ELF1: variants seen among roughly 807,000 people sequenced by gnomAD.
ELF1 encodes the protein E74 like ETS transcription factor 1.
ELF1 carries 24 observed loss-of-function variants against 59.9 expected under a neutral mutation model. The ratio of observed to expected loss-of-function variants is 0.40; its 90% CI spans 0.29 to 0.56. The LOEUF (loss-of-function observed/expected upper bound fraction) is 0.56, where lower values mean the gene tolerates loss of function less well. Ranked by LOEUF, ELF1 falls within the 20% of genes least tolerant of loss-of-function variation. ELF1 has a pLI of 0.44. For missense variants in ELF1, 627 were observed against 742.2 expected, an observed-to-expected ratio of 0.84 and a Z score of 1.80; for synonymous variants, 248 against 266.2, an observed-to-expected ratio of 0.93 and a Z score of 0.67.
chr13:40,998,039 C>G (rs1189760307), intron 1 of ELF1, among the ~76,000 whole-genome samples: 3 of 152,042 alleles, frequency 2.0e-5, no homozygotes, highest in Admixed American at 6.6e-5. Flanking sequence ...TCAGCTTACC[C>G]GTGAGGTTGA....
At chr13:40,980,964 T>TA (rs1873225529) in intron 2 of ELF1, among the ~76,000 whole-genome samples, 1 of 152,138 alleles carries the variant, frequency 6.6e-6, no homozygotes, top group Admixed American at 6.5e-5. Context: ...TTTGTAGGTT[T>TA]ATTTATAAAC....
Position 41,051,934 on chromosome 13 carries a change from C to CTTT in ELF1, c.-229+8901_-229+8903dup, listed in dbSNP as rs757348738. 2.2e-3 allele frequency among the ~76,000 whole-genome samples: 283 copies of CTTT among 127,230 alleles called. 8 individuals are homozygous for CTTT. The highest frequency in any genetic ancestry group is 7.1e-3 in the African/African-American group (239 of 33,756). The allele number at this position is 127,230 out of a possible 152,430, so 83.5% of individuals were successfully genotyped here. A position where few individuals can be genotyped will look rare whatever the true frequency, so the allele number is the denominator to read the frequency against. ...ATCACTTTTCTTTCTTTCTTTTTCT[C>CTTT]TTTTTTTTTTTTTTTTTTTTGAGAC... On this transcript the variant is annotated intron_variant, in intron 1 of 1. Coordinates refer to the ELF1 transcript ENST00000405737.
chr13:40,933,901 C>T lies in ELF1; in HGVS notation c.1384G>A (p.Gly462Arg), dbSNP rs1869587844. The change falls in exon 9 of 9, where the codon GGA becomes AGA. Residue 462 changes from glycine (G) to arginine (R), a missense_variant. Physicochemically the swap from Gly to Arg is moderately radical, Grantham distance 125 (BLOSUM62 -2). Around this residue, in one of 3 missense-constraint regions of ELF1, gnomAD observed 361 missense variants for 396.1 expected, o/e 0.91. Transcript: ENST00000239882. ...IASTDPSAGT[G>R]SQKFILQAIP... Reference sequence around the variant, plus strand: ...GCTTGTAAAATAAACTTCTGAGATCCAGTACCTGCTGATGGATCTGTGCTG... The same window carrying T: ...GCTTGTAAAATAAACTTCTGAGATCTAGTACCTGCTGATGGATCTGTGCTG... The T allele has an allele frequency of 6.2e-7, 1 of 1,614,210 alleles. No individual in the cohort carries two copies.
intron 5 of ELF1, among the ~76,000 whole-genome samples, chr13:40,944,528 C>G (rs1434957132): frequency 1.3e-5 from 2 of 152,180 alleles, no homozygotes; most frequent in African/African-American, 2.4e-5. Context: ...CTGTACCTTT[C>G]AATTCACAAC....
chr13:41,023,826 A>C (rs998395800), upstream of ELF1, among the ~76,000 whole-genome samples: 1 of 152,210 alleles, frequency 6.6e-6, no homozygotes, highest in African/African-American at 2.4e-5. Context: ...AAGGCCCAAA[A>C]CTCAGCAGAA....
chr13:41,050,693 G>A (rs894551257), intron 1 of ELF1, among the ~76,000 whole-genome samples: 7 of 152,156 alleles, frequency 4.6e-5, no homozygotes, highest in Non-Finnish European at 1.0e-4. Context: ...TGGGACTACA[G>A]GCACCTGCCA....
chr13:40,983,253 T>C (rs1326233395), intron 1 of ELF1, among the ~76,000 whole-genome samples: 1 of 152,156 alleles, frequency 6.6e-6, no homozygotes, highest in African/African-American at 2.4e-5. Context: ...GCATTTACAG[T>C]TTTATTACAA....
intron 1 of ELF1, among the ~76,000 whole-genome samples, chr13:41,054,147 G>A (rs1877204688): frequency 6.6e-6 from 1 of 152,140 alleles, no homozygotes; most frequent in African/African-American, 2.4e-5. Context: ...CCTTCCATAT[G>A]AAATTTCTAG....
At chr13:40,944,053 G>C in intron 5 of ELF1, 128 bp from the exon 6 acceptor site, 2 of 764,754 alleles carry the variant, frequency 2.6e-6, no homozygotes, top group East Asian at 5.5e-5. Context: ...CACATATACA[G>C]GTCTCTTAAA....
At chr13:40,943,398 T>C (rs527899749) in intron 6 of ELF1, among the ~76,000 whole-genome samples, 2 of 152,278 alleles carry the variant, frequency 1.3e-5, no homozygotes, top group South Asian at 2.1e-4. Flanking sequence ...TTTGTGATGA[T>C]TTAGGAGAAA....
chr13:41,054,845 T>A (rs534871184), intron 1 of ELF1, among the ~76,000 whole-genome samples: 4 of 152,318 alleles, frequency 2.6e-5, no homozygotes, highest in Non-Finnish European at 5.9e-5. Flanking sequence ...ACTACCAAAT[T>A]CATTTCATTA....
chr13:41,021,340 A>G (rs1014256060), upstream of ELF1, among the ~76,000 whole-genome samples: 1 of 152,224 alleles, frequency 6.6e-6, no homozygotes, highest in African/African-American at 2.4e-5. Context: ...ACAGAAACAA[A>G]TATCTTAGCT....
At chr13:41,033,969 A>G (rs1031123684) in intron 1 of ELF1, among the ~76,000 whole-genome samples, 1 of 152,198 alleles carries the variant, frequency 6.6e-6, no homozygotes, top group Non-Finnish European at 1.5e-5. Context: ...CTATATCCTG[A>G]TTATGGTGAT....
intron 1 of ELF1, among the ~76,000 whole-genome samples, chr13:41,041,688 A>G (rs1196865643): frequency 6.6e-6 from 1 of 152,140 alleles, no homozygotes; most frequent in African/African-American, 2.4e-5. Flanking sequence ...GGGGAAAAAA[A>G]AAGGGCATCC....
intron 1 of ELF1, among the ~76,000 whole-genome samples, chr13:41,031,468 T>C (rs1168326384): frequency 6.6e-6 from 1 of 152,078 alleles, no homozygotes; most frequent in East Asian, 1.9e-4. Flanking sequence ...CTCTCCAGGT[T>C]CTCAGAATAG....
chr13:41,057,785 A>T (rs1877343263), intron 1 of ELF1, among the ~76,000 whole-genome samples: 1 of 152,206 alleles, frequency 6.6e-6, no homozygotes, highest in African/African-American at 2.4e-5. Context: ...AGCACCTAAA[A>T]TATGCCTGCC....
chr13:41,037,772 G>C (rs1486044094), intron 1 of ELF1, among the ~76,000 whole-genome samples: 1 of 151,708 alleles, frequency 6.6e-6, no homozygotes, highest in African/African-American at 2.4e-5. Flanking sequence ...CTCCAGCCTG[G>C]GCGACTAAGC....
chr13:40,941,886 C>G (rs1870195682), intron 7 of ELF1, among the ~76,000 whole-genome samples: 2 of 152,166 alleles, frequency 1.3e-5, no homozygotes, highest in Non-Finnish European at 2.9e-5. Flanking sequence ...CTGGAACTCC[C>G]AGGCTGAAAC....
chr13:41,048,078 G>T (rs139485965), intron 1 of ELF1, among the ~76,000 whole-genome samples: 4 of 152,198 alleles, frequency 2.6e-5, no homozygotes, highest in South Asian at 2.1e-4. Flanking sequence ...CTCCAAGCCA[G>T]GTACAGGATA....
Sources: gnomAD v4.1 joint callset for allele counts (sites outside exome capture counted in the v4.1 genomes callset) on GRCh38, gnomAD v4.1.1 for gene constraint, gnomAD v4.1.1 regional missense constraint, MANE v1.5 for transcripts, NCBI Gene and HGNC (gene_info 2026-07-23, HGNC 2026-07-21) for gene names.